UNC79: variants seen among roughly 807,000 people sequenced by gnomAD.
UNC79 encodes the protein unc-79 subunit of NALCN channel complex, also known as protein unc-79 homolog.
Under a neutral mutation model 283.1 loss-of-function variants are expected in UNC79, and 37 were observed. The ratio of observed to expected loss-of-function variants is 0.13; its 90% CI spans 0.10 to 0.17. The LOEUF (loss-of-function observed/expected upper bound fraction) is 0.17. UNC79 is among the 10% of genes least tolerant of loss of function. The probability of loss-of-function intolerance (pLI) is 1.00; values close to 1 mark genes in which losing one functional copy is unlikely to be tolerated. For synonymous variants in UNC79, 1,107 were observed against 1,200.2 expected, an observed-to-expected ratio of 0.92 and a Z score of 1.61; for missense variants, 2,272 against 3,211.1, an observed-to-expected ratio of 0.71 and a Z score of 7.07.
At chr14:93,544,434 G>A (rs1030671764) in intron 14 of UNC79, among the ~76,000 whole-genome samples, 8 of 152,132 alleles carry the variant, frequency 5.3e-5, no homozygotes, top group African/African-American at 1.2e-4. Context: ...ACTCCCTTTC[G>A]GGGGGGTTAA....
intron 1 of UNC79, among the ~76,000 whole-genome samples, chr14:93,336,875 A>C (rs2053588414): frequency 6.6e-6 from 1 of 152,060 alleles, no homozygotes; most frequent in South Asian, 2.1e-4. Flanking sequence ...TGTAATCGCC[A>C]GTGTTGGAAG....
At position 93,692,543 on chromosome 14, in the gene UNC79, T is replaced by C. The variant is rs2074777957; in HGVS notation, c.7470+597T>C. Among the ~76,000 whole-genome samples the C allele has an allele frequency of 3.9e-5, 6 of 152,208 alleles. No individual in the cohort carries two copies. The South Asian group carries it at 1.2e-3, about 32-fold the overall frequency. On this transcript the variant is annotated intron_variant, in intron 46 of 48. Transcript: ENST00000555664. The stretch of plus-strand genomic sequence containing the variant: ...AAAAACCTTAGCCAATTGGGTAATC[T>C]ATTTGTGGTGGTTTAAGAGTAGACT...
intron 1 of UNC79, among the ~76,000 whole-genome samples, chr14:93,352,977 G>A (rs2054007965): frequency 6.6e-6 from 1 of 152,142 alleles, no homozygotes; most frequent in African/African-American, 2.4e-5. Context: ...CACAAACATA[G>A]ACATACAATA....
chr14:93,602,960 A>G (rs892260549), intron 25 of UNC79, among the ~76,000 whole-genome samples: 6 of 152,196 alleles, frequency 3.9e-5, no homozygotes, highest in Non-Finnish European at 8.8e-5. Context: ...GTTATTAATC[A>G]GTTACCTACA....
chr14:93,474,075 TGTCCCCCCAACAGCA>T lies in UNC79; in HGVS notation c.144-13_145del, dbSNP rs1484976842. The stretch of plus-strand genomic sequence containing the variant: ...GTCTTTGTTGTCTCTTTTTTTTCTT[TGTCCCCCCAACAGCA>T]TTTTGTCCCGCACAGGGAAGAAGGA... On this transcript the variant is annotated splice_acceptor_variant and splice_polypyrimidine_tract_variant and coding_sequence_variant and intron_variant, in exon 3 of 49. Coordinates refer to ENST00000555664, the Ensembl canonical transcript of UNC79. LOFTEE classifies it high-confidence loss of function. The surrounding 1 kb of genome is among the most constrained non-coding windows in gnomAD (Gnocchi z 4.1). The T allele has an allele frequency of 1.3e-6, 2 of 1,512,100 alleles. No homozygotes were observed. Among genetic ancestry groups the T allele is most frequent in the Non-Finnish European group, 8.8e-7 (1 of 1,133,250 alleles). The allele number at this position is 1,512,100 out of a possible 1,614,324, so 93.7% of individuals were successfully genotyped here.
chr14:93,689,927 T>C (rs909066608), intron 44 of UNC79, 190 bp from the exon 48 acceptor site: 4 of 600,642 alleles, frequency 6.7e-6, no homozygotes, highest in Non-Finnish European at 1.1e-5. Flanking sequence ...GAAGCTGAGA[T>C]CCAGGATTAG....
rs145135524 is a variant in UNC79, at chr14:93,547,592, A to T, written c.1755+4896A>T. Among the ~76,000 whole-genome samples, 358 of 152,362 alleles carry T rather than the reference A, an allele frequency of 2.3e-3. 2 individuals carry two copies. The highest frequency in any genetic ancestry group is 3.8e-3 in the Non-Finnish European group (261 of 68,032). The stretch of plus-strand genomic sequence containing the variant: ...ACTAAGAGATTTCAAAAGTAAATAT[A>T]GGGAGCAACACAATTGTAAGAAACA... On this transcript the variant is annotated intron_variant, in intron 14 of 48. Coordinates refer to ENST00000555664, the Ensembl canonical transcript of UNC79.
At chr14:93,467,938 G>C (rs1303880879) in intron 2 of UNC79, 147 bp downstream of exon 2, 2 of 1,071,940 alleles carry the variant, frequency 1.9e-6, no homozygotes, top group Non-Finnish European at 2.4e-6. Flanking sequence ...CAAGTTCTCT[G>C]GGTGTATGTA....
intron 1 of UNC79, among the ~76,000 whole-genome samples, chr14:93,386,457 T>C (rs1410677869): frequency 6.6e-6 from 1 of 152,198 alleles, no homozygotes; most frequent in Non-Finnish European, 1.5e-5. Context: ...TTTGTCTGGT[T>C]TTGATGTCAG....
At chr14:93,337,922 A>C (rs2053614543) in intron 1 of UNC79, among the ~76,000 whole-genome samples, 1 of 152,130 alleles carries the variant, frequency 6.6e-6, no homozygotes, top group Non-Finnish European at 1.5e-5. Flanking sequence ...GTCCAGCTGC[A>C]GCCTCACATG....
At chr14:93,601,107 T>A (rs2142044321) in intron 25 of UNC79, among the ~76,000 whole-genome samples, 1 of 152,324 alleles carries the variant, frequency 6.6e-6, no homozygotes, top group East Asian at 1.9e-4. Flanking sequence ...CTTGCATACT[T>A]TCTAAATTTC....
chr14:93,674,098 G>C (rs1021078208), intron 41 of UNC79, among the ~76,000 whole-genome samples: 2 of 152,162 alleles, frequency 1.3e-5, no homozygotes, highest in Non-Finnish European at 2.9e-5. Flanking sequence ...TCTTAGGCAG[G>C]CATGCAGGTT....
intron 1 of UNC79, among the ~76,000 whole-genome samples, chr14:93,452,159 C>T (rs1331010790): frequency 1.3e-5 from 2 of 152,132 alleles, no homozygotes; most frequent in African/African-American, 4.8e-5. Context: ...CCAACCTCTT[C>T]TTTAGTCTGT....
intron 1 of UNC79, among the ~76,000 whole-genome samples, chr14:93,340,523 A>T (rs1456489289): frequency 1.3e-5 from 2 of 151,492 alleles, no homozygotes; most frequent in African/African-American, 4.8e-5. Context: ...AGTAGTTTAC[A>T]ATCTGTTTAT....
At chr14:93,379,613 A>T (rs577692644) in intron 1 of UNC79, among the ~76,000 whole-genome samples, 11 of 145,654 alleles carry the variant, frequency 7.6e-5, no homozygotes, top group African/African-American at 2.8e-4. Context: ...CATTAAACCA[A>T]TTGTTGTGGC....
chr14:93,637,219 A>C, exon 32 of UNC79: 1 of 1,187,262 alleles, frequency 8.4e-7, no homozygotes, highest in Non-Finnish European at 1.3e-6. Context: ...TCCACAGAAC[A>C]GATACAGCCT....
At chr14:93,448,896 G>A (rs553960411) in intron 1 of UNC79, among the ~76,000 whole-genome samples, 10 of 152,276 alleles carry the variant, frequency 6.6e-5, no homozygotes, top group East Asian at 5.8e-4. Context: ...TGGTTTGTTC[G>A]TTTTTAGAAT....
intron 44 of UNC79, 200 bp from the exon 48 acceptor site, chr14:93,689,917 G>A: frequency 1.7e-6 from 1 of 586,986 alleles, no homozygotes; most frequent in South Asian, 2.4e-5. Flanking sequence ...CTTTTCTCAA[G>A]AAGCTGAGAT....
intron 25 of UNC79, among the ~76,000 whole-genome samples, chr14:93,602,248 G>A (rs954524617): frequency 2.6e-5 from 4 of 152,100 alleles, no homozygotes; most frequent in Non-Finnish European, 4.4e-5. Flanking sequence ...CTTAGATTTA[G>A]CCTTTGATCC....
Sources: gnomAD v4.1 joint callset for allele counts (sites outside exome capture counted in the v4.1 genomes callset) on GRCh38, gnomAD v4.1.1 for gene constraint, Gnocchi (gnomAD v3.1) non-coding constraint, MANE v1.5 for transcripts, NCBI Gene and HGNC (gene_info 2026-07-23, HGNC 2026-07-21) for gene names.